Variants in SLC39A12 observed in about 807,000 individuals in gnomAD.
SLC39A12 encodes the protein solute carrier family 39 member 12.
A neutral mutation model predicts 71.1 loss-of-function variants in SLC39A12; 63 were observed. The ratio of observed to expected loss-of-function variants is 0.89; its 90% CI spans 0.72 to 1.09. SLC39A12 has a LOEUF of 1.09. Among genes scored for constraint, SLC39A12 ranks in the 50% least tolerant of loss-of-function variants. The probability of loss-of-function intolerance (pLI) is 0.00; values close to 1 mark genes in which losing one functional copy is unlikely to be tolerated. For missense variants in SLC39A12, 892 were observed against 812.6 expected (o/e 1.10, Z -1.19); for synonymous variants, 351 against 301.3 (o/e 1.16, Z -1.71).
At chr10:17,968,278 A>G (rs116755946) in intron 4 of SLC39A12, among the ~76,000 whole-genome samples, 2,068 of 152,286 alleles carry the variant, frequency 0.014, 41 homozygotes, top group African/African-American at 0.043. Flanking sequence ...ACGTTAAATA[A>G]TAGTGGGGAT....
intron 4 of SLC39A12, among the ~76,000 whole-genome samples, chr10:17,973,371 A>G (rs1835023733): frequency 6.6e-6 from 1 of 152,076 alleles, no homozygotes; most frequent in Admixed American, 6.6e-5. Context: ...ACTAACATCT[A>G]TTTCTTTCTG....
At chr10:18,009,151 G>A (rs1836126397) in intron 12 of SLC39A12, among the ~76,000 whole-genome samples, 1 of 152,046 alleles carries the variant, frequency 6.6e-6, no homozygotes, top group South Asian at 2.1e-4. Context: ...TTTTTCCTAG[G>A]GTTTTTAGAT....
intron 12 of SLC39A12, among the ~76,000 whole-genome samples, chr10:18,039,194 T>G (rs1837150162): frequency 2.6e-5 from 4 of 152,122 alleles, no homozygotes; most frequent in Admixed American, 2.0e-4. Flanking sequence ...CAAAAGATAA[T>G]TAATAATCTT....
intron 5 of SLC39A12, among the ~76,000 whole-genome samples, chr10:17,978,844 G>A (rs1835182201): frequency 6.6e-6 from 1 of 152,132 alleles, no homozygotes; most frequent in South Asian, 2.1e-4. Flanking sequence ...TATATTATTA[G>A]GTTGATCATT....
At chr10:18,039,404 T>A (rs183675250) in intron 12 of SLC39A12, among the ~76,000 whole-genome samples, 44 of 152,282 alleles carry the variant, frequency 2.9e-4, no homozygotes, top group African/African-American at 1.0e-3. Context: ...TGGAGAAAAC[T>A]ATTAAAAAAT....
chr10:17,990,028 C>T (rs941876525), intron 7 of SLC39A12, among the ~76,000 whole-genome samples: 2 of 152,146 alleles, frequency 1.3e-5, no homozygotes, highest in Non-Finnish European at 2.9e-5. Context: ...AACGTCTGCA[C>T]AGAAGTGAGA....
intron 12 of SLC39A12, among the ~76,000 whole-genome samples, chr10:18,012,411 T>A (rs1836252547): frequency 6.6e-6 from 1 of 152,178 alleles, no homozygotes; most frequent in South Asian, 2.1e-4. Context: ...TTTTTAAGAC[T>A]CTGTGGCTGA....
At chr10:17,996,098 T>C (rs1440945351) in intron 10 of SLC39A12, among the ~76,000 whole-genome samples, 10 of 152,214 alleles carry the variant, frequency 6.6e-5, no homozygotes, top group Non-Finnish European at 4.4e-5. Flanking sequence ...TTTCATCTTC[T>C]AGCACTGTCT....
At chr10:18,023,878 C>T (rs1836603141) in intron 12 of SLC39A12, among the ~76,000 whole-genome samples, 2 of 152,146 alleles carry the variant, frequency 1.3e-5, no homozygotes, top group African/African-American at 2.4e-5. Flanking sequence ...GGAGGCACTG[C>T]TCAGTGAGGA....
At chr10:18,038,373 T>C (rs1180306109) in intron 12 of SLC39A12, among the ~76,000 whole-genome samples, 5 of 152,074 alleles carry the variant, frequency 3.3e-5, no homozygotes, top group African/African-American at 1.2e-4. Flanking sequence ...ACAATTGTTT[T>C]AAAAATTTGG....
At chr10:17,975,127 A>G (rs961394227) in intron 4 of SLC39A12, among the ~76,000 whole-genome samples, 4 of 152,088 alleles carry the variant, frequency 2.6e-5, no homozygotes, top group Non-Finnish European at 5.9e-5. Context: ...CTTCTGGTGA[A>G]TGCTGCCTAC....
intron 4 of SLC39A12, among the ~76,000 whole-genome samples, chr10:17,969,638 A>G (rs1469997838): frequency 2.6e-5 from 4 of 152,128 alleles, no homozygotes; most frequent in Non-Finnish European, 5.9e-5. Flanking sequence ...GGATCAAATT[A>G]TTAGATTTTT....
At chr10:18,036,782 A>ATTTTTT (rs1564665979) in intron 12 of SLC39A12, among the ~76,000 whole-genome samples, 10 of 7,268 alleles carry the variant, frequency 1.4e-3, no homozygotes, top group African/African-American at 5.5e-3. Flanking sequence ...ATATATATAT[A>ATTTTTT]TATATATATA....
chr10:18,021,265 C>A (rs1423713879), intron 12 of SLC39A12, among the ~76,000 whole-genome samples: 1 of 151,850 alleles, frequency 6.6e-6, no homozygotes, highest in African/African-American at 2.4e-5. Flanking sequence ...TGTCAAAGAT[C>A]AGATCATTGT....
chr10:18,021,053 A>G (rs1836520013), intron 12 of SLC39A12, among the ~76,000 whole-genome samples: 1 of 151,962 alleles, frequency 6.6e-6, no homozygotes, highest in Admixed American at 6.6e-5. Flanking sequence ...CAAGACTGAT[A>G]TCCAGGATGG....
intron 7 of SLC39A12, among the ~76,000 whole-genome samples, chr10:17,990,640 C>T (rs1166358679): frequency 6.6e-6 from 1 of 152,084 alleles, no homozygotes; most frequent in Non-Finnish European, 1.5e-5. Context: ...GTCAGTCATA[C>T]AGTATGCTCC....
Position 17,981,398 on chromosome 10 carries a change from T to C in SLC39A12, c.1011T>C (p.Ser337=). 6.2e-7 allele frequency: 1 copy of C among 1,613,786 alleles called. No individual in the cohort carries two copies. Among genetic ancestry groups the C allele is most frequent in the East Asian group, 2.2e-5 (1 of 44,856 alleles). The part of the protein sequence containing the change: ...LISKEDFKQM[S]PGIIQQLLSC... The stretch of plus-strand genomic sequence containing the variant: ...CTAAGGAGGACTTTAAGCAAATGAG[T>C]CCAGGGATCATCCAGCAGCTCCTCA... The change falls in exon 6 of 13, where the codon AGT becomes AGC. Residue 337 remains serine (S), a synonymous_variant. Transcript: ENST00000377369.
intron 3 of SLC39A12, 90 bp downstream of exon 3, chr10:17,961,952 A>G (rs1834702829): frequency 6.2e-6 from 8 of 1,281,178 alleles, no homozygotes; most frequent in Non-Finnish European, 8.6e-6. Context: ...TAAGACATTC[A>G]AGGACTTCTA....
chr10:17,963,746 C>T (rs782357342), intron 3 of SLC39A12, among the ~76,000 whole-genome samples: 2 of 152,158 alleles, frequency 1.3e-5, no homozygotes, highest in Non-Finnish European at 2.9e-5. Context: ...GGTTCTGGCT[C>T]ACCAGGCCCA....
Sources: allele counts gnomAD v4.1 joint callset (sites outside exome capture counted in the v4.1 genomes callset), GRCh38; gene constraint gnomAD v4.1.1; transcripts MANE v1.5; gene names NCBI Gene and HGNC (gene_info 2026-07-23, HGNC 2026-07-21).